CPAMD8: variants seen among roughly 807,000 people sequenced by gnomAD.
CPAMD8 encodes C3 and PZP like alpha-2-macroglobulin domain containing 8.
In CPAMD8, 146 loss-of-function variants were observed where a neutral mutation model predicts 224.7. The observed-to-expected ratio is 0.65, with a 90% CI of 0.57 to 0.75. CPAMD8 has a LOEUF of 0.75. CPAMD8 is among the 30% of genes least tolerant of loss of function. The pLI is 0.00. For synonymous variants in CPAMD8, 966 were observed against 1,044.6 expected (o/e 0.92, Z 1.45); for missense variants, 2,301 against 2,537.5 (o/e 0.91, Z 2.00).
rs866530682 is a variant in CPAMD8 at position 16,902,758 on chromosome 19, C to T, written c.4576G>A (p.Ala1526Thr). ...CCTCGGGAACCCTCAGCTGCGGAGG[C>T]AGGCATGGGGGGCGGGCGTCCCTGG... ...EAQGRPPPMP[A>T]SAAEGSRGDW... Residue 1526 changes from alanine (A) to threonine (T), a missense_variant, in exon 35 of 42, where the codon GCC becomes ACC. This residue lies in a region of CPAMD8 where 1,709 missense variants were observed against 1,753.2 expected (regional missense o/e 0.97). Coordinates refer to ENST00000443236, the MANE Select transcript of CPAMD8 (RefSeq NM_015692.5). 7 of 1,596,012 alleles carry T rather than the reference C, an allele frequency of 4.4e-6. No homozygotes were observed. The highest frequency in any genetic ancestry group is 6.0e-6 in the Non-Finnish European group (7 of 1,167,890).
At chr19:16,918,530 C>A (rs896450471) in intron 27 of CPAMD8, among the ~76,000 whole-genome samples, 73 of 150,974 alleles carry the variant, frequency 4.8e-4, no homozygotes, top group African/African-American at 1.7e-3. Context: ...TCACTGCAGC[C>A]TTGAACTTCT....
chr19:16,971,770 G>A (rs2055071100), intron 17 of CPAMD8, among the ~76,000 whole-genome samples: 1 of 152,150 alleles, frequency 6.6e-6, no homozygotes, highest in African/African-American at 2.4e-5. Context: ...ATCATGGCCA[G>A]GCATAGTGGC....
chr19:16,898,040 C>T lies in CPAMD8; in HGVS notation c.4849-46G>A, dbSNP rs984146810. On this transcript the variant is annotated intron_variant, in intron 37 of 41. Transcript: ENST00000443236. This position sits in a 1 kb window ranked among gnomAD's most constrained non-coding sequence, Gnocchi z 4.2. ...CAGGCTCGACCCGGGCCAGGAGGCCCGGGGCGCTGAGCTCAGGCCCAGAAC... is the reference window on the plus strand; with the variant it reads ...CAGGCTCGACCCGGGCCAGGAGGCCTGGGGCGCTGAGCTCAGGCCCAGAAC... The T allele has an allele frequency of 8.2e-6, 12 of 1,454,760 alleles. No homozygotes were observed. The highest frequency in any genetic ancestry group is 2.4e-5 in the East Asian group (1 of 42,364). 90.1% of individuals were successfully genotyped at this position (1,454,760 alleles called of 1,614,324 possible). A position where few individuals can be genotyped will look rare whatever the true frequency, so the allele number is the denominator to read the frequency against.
chr19:16,999,333 C>A (rs1049811834), intron 10 of CPAMD8, among the ~76,000 whole-genome samples: 1 of 152,014 alleles, frequency 6.6e-6, no homozygotes, highest in Non-Finnish European at 1.5e-5. Flanking sequence ...GTAATCCCAG[C>A]ACTTTGGGAG....
chr19:16,995,691 G>A (rs998831690), intron 11 of CPAMD8, among the ~76,000 whole-genome samples: 7 of 151,568 alleles, frequency 4.6e-5, no homozygotes, highest in East Asian at 2.0e-4. Context: ...ATGAGCCACC[G>A]TGCCCAGCCT....
In CPAMD8 at chr19:16,906,395, T is replaced by TTTCTTTCC. The variant is rs2052509227; in HGVS notation, c.4027+556_4027+557insGGAAAGAA. ...CTTTCTTTCTTTCTTTCTTTCTTTCTTTCTTTCTTTCTTTCCTTCCTTCCT... is the reference window on the plus strand; with the variant it reads ...CTTTCTTTCTTTCTTTCTTTCTTTCTTTCTTTCCTTCTTTCTTTCTTTCCTTCCTTCCT... On this transcript the variant is annotated intron_variant, in intron 30 of 41. Coordinates refer to ENST00000443236, the MANE Select transcript of CPAMD8 (RefSeq NM_015692.5). 3.7e-5 allele frequency among the ~76,000 whole-genome samples: 3 copies of TTTCTTTCC among 80,208 alleles called. No homozygotes were observed. The East Asian group carries it at 8.0e-4, about 21-fold the overall frequency. 52.6% of individuals were successfully genotyped at this position (80,208 alleles called of 152,430 possible).
chr19:17,009,468 A>G, intron 5 of CPAMD8, 148 bp from the exon 6 acceptor site: 1 of 1,366,532 alleles, frequency 7.3e-7, no homozygotes. Flanking sequence ...GTTGAATCCT[A>G]ACCCCAAGTA....
intron 18 of CPAMD8, among the ~76,000 whole-genome samples, chr19:16,964,895 A>C (rs192511106): frequency 4.6e-5 from 7 of 152,224 alleles, no homozygotes; most frequent in Admixed American, 4.6e-4. Flanking sequence ...AACGTACACA[A>C]ATCAATAAAC....
chr19:16,907,075 A>G lies in CPAMD8; in HGVS notation c.3904T>C (p.Ser1302Pro). The change falls in exon 30 of 42, where the codon TCT becomes CCT. Residue 1302 changes from serine to proline, a missense_variant. Ser to Pro is a moderately conservative substitution (Grantham distance 74). This residue lies in a region of CPAMD8 where 1,709 missense variants were observed against 1,753.2 expected (regional missense o/e 0.97). Coordinates refer to ENST00000443236, the MANE Select transcript of CPAMD8 (RefSeq NM_015692.5). ...STDKARHFLE[S>P]AAPLAMDPYS... Reference sequence around the variant, plus strand: ...GGGTCCATGGCCAGGGGCGCAGCAGACTCCAGGAAGTGCCTCGCTTTGTCA... The same window carrying G: ...GGGTCCATGGCCAGGGGCGCAGCAGGCTCCAGGAAGTGCCTCGCTTTGTCA... 1 of 1,593,806 alleles carries G rather than the reference A, an allele frequency of 6.3e-7. No homozygotes were observed. Among genetic ancestry groups the G allele is most frequent in the Non-Finnish European group, 8.5e-7 (1 of 1,169,714 alleles).
chr19:16,945,465 G>A, intron 22 of CPAMD8, 84 bp downstream of exon 22: 1 of 1,549,738 alleles, frequency 6.5e-7, no homozygotes, highest in Non-Finnish European at 8.8e-7. Context: ...CTCAGCCTCA[G>A]ACCACACACT....
At position 16,893,126 on chromosome 19, in the gene CPAMD8, G is replaced by A; in HGVS notation, c.5640C>T (p.Asn1880=). Residue 1880 remains asparagine, a synonymous_variant, in exon 42 of 42, where the codon AAC becomes AAT. Transcript: ENST00000443236. ...SGGEEGLWMS[N]TCTLR ...TGTAGGATTATCTCAAGGTGCAGGT[G>A]TTTGACATCCATAAACCCTCCTCCC... 6.8e-7 allele frequency: 1 copy of A among 1,475,812 alleles called. No individual in the cohort carries two copies. Among genetic ancestry groups the A allele is most frequent in the Non-Finnish European group, 9.5e-7 (1 of 1,055,442 alleles). The allele number at this position is 1,475,812 out of a possible 1,614,324, so 91.4% of individuals were successfully genotyped here. A position where few individuals can be genotyped will look rare whatever the true frequency, so the allele number is the denominator to read the frequency against.
intron 3 of CPAMD8, among the ~76,000 whole-genome samples, chr19:17,013,191 TAAATAAAC>T (rs1568602662): frequency 6.8e-6 from 1 of 147,348 alleles, no homozygotes; most frequent in Non-Finnish European, 1.5e-5. Context: ...CCAAAAAAAA[TAAATAAAC>T]AAATAATACA....
intron 5 of CPAMD8, among the ~76,000 whole-genome samples, chr19:17,009,705 C>T (rs1390204804): frequency 6.6e-6 from 1 of 151,386 alleles, no homozygotes; most frequent in Non-Finnish European, 1.5e-5. Flanking sequence ...ACCCAGGAGG[C>T]AGAGCTTGCA....
At chr19:16,909,174 G>A (rs1336304798) in intron 29 of CPAMD8, among the ~76,000 whole-genome samples, 1 of 152,176 alleles carries the variant, frequency 6.6e-6, no homozygotes, top group Admixed American at 6.5e-5. Flanking sequence ...ATGGGTCTTT[G>A]CAGATGTAAT....
At chr19:16,914,629 C>T (rs778050552) in intron 28 of CPAMD8, 28 bp downstream of exon 28, 38 of 1,613,456 alleles carry the variant, frequency 2.4e-5, no homozygotes, top group Middle Eastern at 1.6e-4. Flanking sequence ...GTGAGGGGCC[C>T]GGGAAGGAGG....
chr19:16,921,859 C>G, intron 27 of CPAMD8, 46 bp downstream of exon 27: 1 of 1,288,526 alleles, frequency 7.8e-7, no homozygotes, highest in Non-Finnish European at 1.1e-6. Flanking sequence ...GCCATGGCGT[C>G]GGGCGGGGAG....
intron 27 of CPAMD8, among the ~76,000 whole-genome samples, chr19:16,919,985 G>A (rs944011766): frequency 5.3e-5 from 8 of 152,150 alleles, no homozygotes; most frequent in Non-Finnish European, 8.8e-5. Context: ...GTTGATCATC[G>A]GGTCTAAGGC....
At chr19:16,953,652 C>CAA (rs60937762) in intron 19 of CPAMD8, among the ~76,000 whole-genome samples, 11 of 94,346 alleles carry the variant, frequency 1.2e-4, no homozygotes, top group African/African-American at 1.7e-4. Flanking sequence ...GACCTTGTCT[C>CAA]AAAAAAAAAA....
intron 39 of CPAMD8, 23 bp from the exon 40 acceptor site, chr19:16,896,688 C>T: frequency 7.1e-7 from 1 of 1,404,464 alleles, no homozygotes; most frequent in Non-Finnish European, 9.3e-7. Context: ...GCAGGCTCGA[C>T]AGACCCCCCA....
Sources: allele counts gnomAD v4.1 joint callset (sites outside exome capture counted in the v4.1 genomes callset), GRCh38; gene constraint gnomAD v4.1.1; regional missense constraint gnomAD v4.1.1; non-coding constraint Gnocchi (gnomAD v3.1); transcripts MANE v1.5; gene names NCBI Gene and HGNC (gene_info 2026-07-23, HGNC 2026-07-21).